Variants in UGT1A6 observed in about 807,000 individuals in gnomAD.
UGT1A6 encodes UDP glucuronosyltransferase family 1 member A6, also known as UDP-glucuronosyltransferase 1A6.
A neutral mutation model predicts 44.4 loss-of-function variants in UGT1A6; 32 were observed. That is an observed-to-expected ratio of 0.72 (90% CI 0.54 to 0.97). The LOEUF (loss-of-function observed/expected upper bound fraction) is 0.97. UGT1A6 is among the 50% of genes least tolerant of loss of function. The pLI is 0.00. For missense variants in UGT1A6, 685 were observed against 661.9 expected (o/e 1.03, Z -0.38); for synonymous variants, 238 against 248.5 (o/e 0.96, Z 0.40).
At chr2:233,741,949 G>A (rs188089498) in intron 1 of UGT1A6, 3 of 151,926 alleles carry the variant, frequency 2.0e-5, no homozygotes, top group Admixed American at 2.0e-4. Context: ...CAACAGAAAG[G>A]TACTTTCTTG....
intron 1 of UGT1A6, chr2:233,717,916 T>A (rs1363488436): frequency 2.2e-6 from 1 of 454,812 alleles, no homozygotes. Flanking sequence ...AAGGCCTGGA[T>A]GAATGGATAC....
At chr2:233,694,590 T>G (rs2075228604) in intron 1 of UGT1A6, among the ~76,000 whole-genome samples, 1 of 152,230 alleles carries the variant, frequency 6.6e-6, no homozygotes, top group Non-Finnish European at 1.5e-5. Flanking sequence ...ATTTACAACT[T>G]TGAAGGGCTT....
intron 1 of UGT1A6, chr2:233,755,041 A>T (rs1695713138): frequency 2.3e-6 from 3 of 1,323,402 alleles, no homozygotes; most frequent in African/African-American, 1.5e-5. Flanking sequence ...CCGCCTGCGC[A>T]GCCGCCCTCC....
chr2:233,714,943 C>T (rs2076424694), intron 1 of UGT1A6, among the ~76,000 whole-genome samples: 1 of 152,186 alleles, frequency 6.6e-6, no homozygotes, highest in Non-Finnish European at 1.5e-5. Context: ...GTGGTGGGAT[C>T]TTGGCTCATT....
chr2:233,767,781 T>C (rs1559414457), intron 2 of UGT1A6, 68 bp from the exon 3 acceptor site: 3 of 1,613,388 alleles, frequency 1.9e-6, no homozygotes, highest in East Asian at 2.2e-5. Context: ...TTCTAGTTAG[T>C]ATAGCAGATT....
intron 1 of UGT1A6, chr2:233,713,516 C>A: frequency 1.2e-6 from 2 of 1,613,934 alleles, no homozygotes; most frequent in Non-Finnish European, 1.7e-6. Context: ...TCTTGAGGAA[C>A]ATTCCATGTG....
chr2:233,760,700 C>T, intron 1 of UGT1A6: 4 of 1,614,194 alleles, frequency 2.5e-6, no homozygotes, highest in Non-Finnish European at 3.4e-6. Context: ...GAGCTCATGG[C>T]CTCCCTGGCA....
At chr2:233,698,293 T>A (rs1294389831) in intron 1 of UGT1A6, among the ~76,000 whole-genome samples, 2 of 152,252 alleles carry the variant, frequency 1.3e-5, no homozygotes, top group Non-Finnish European at 2.9e-5. Context: ...AAAAAAAATG[T>A]GTCTTTGGAC....
intron 1 of UGT1A6, among the ~76,000 whole-genome samples, chr2:233,733,673 A>G (rs1046219304): frequency 2.0e-5 from 3 of 152,206 alleles, no homozygotes; most frequent in African/African-American, 7.2e-5. Context: ...ATCGATGTGG[A>G]TAAACTTTTT....
intron 1 of UGT1A6, among the ~76,000 whole-genome samples, chr2:233,705,147 AAAGAGAG>A (rs1559353962): frequency 1.3e-5 from 2 of 151,972 alleles, no homozygotes; most frequent in Non-Finnish European, 2.9e-5. Context: ...AAAAAAAAAA[AAAGAGAG>A]AGAGAGAGAG....
chr2:233,731,428 C>G (rs2078158900), intron 1 of UGT1A6, among the ~76,000 whole-genome samples: 1 of 152,060 alleles, frequency 6.6e-6, no homozygotes, highest in South Asian at 2.1e-4. Context: ...AATGCCATCC[C>G]TCCCCCAGTC....
intron 1 of UGT1A6, among the ~76,000 whole-genome samples, chr2:233,766,473 C>CA (rs574900488): frequency 1.1e-4 from 17 of 152,240 alleles, no homozygotes; most frequent in African/African-American, 4.1e-4. Context: ...TTTTTATAGG[C>CA]ACATGATGGG....
intron 1 of UGT1A6, among the ~76,000 whole-genome samples, chr2:233,745,360 T>C (rs1413277244): frequency 2.0e-5 from 3 of 151,920 alleles, no homozygotes; most frequent in African/African-American, 4.9e-5. Flanking sequence ...GGAATTTTTT[T>C]GAGATCTGAG....
At chr2:233,709,645 G>C (rs919625647) in intron 1 of UGT1A6, among the ~76,000 whole-genome samples, 1 of 152,178 alleles carries the variant, frequency 6.6e-6, no homozygotes, top group Non-Finnish European at 1.5e-5. Context: ...TCTTGGAATA[G>C]GTAGGGCTTT....
At chr2:233,763,812 C>A (rs1698404052) in intron 1 of UGT1A6, among the ~76,000 whole-genome samples, 1 of 152,104 alleles carries the variant, frequency 6.6e-6, no homozygotes, top group Non-Finnish European at 1.5e-5. Context: ...TCAAGAATTC[C>A]AAGATGTTCC....
Position 233,693,021 on chromosome 2 carries a change from G to T in UGT1A6, c.17G>T (p.Arg6Leu). The change falls in exon 1 of 5, where the codon CGC becomes CTC. Residue 6 changes from arginine to leucine, a missense_variant. Coordinates refer to ENST00000305139, the MANE Select transcript of UGT1A6 (RefSeq NM_001072.4). The part of the protein sequence containing the change: MACLL[R>L]SFQRISAGVF... The stretch of plus-strand genomic sequence containing the variant: ...CTTTCCAGGATGGCCTGCCTCCTTC[G>T]CTCATTTCAGAGAATTTCTGCAGGG... 1 of 1,614,090 alleles carries T rather than the reference G, an allele frequency of 6.2e-7. No homozygotes were observed.
At chr2:233,767,733 C>A in intron 2 of UGT1A6, 116 bp from the exon 3 acceptor site, 1 of 1,566,288 alleles carries the variant, frequency 6.4e-7, no homozygotes, top group Non-Finnish European at 8.7e-7. Flanking sequence ...CTGATCCTCC[C>A]ACTCTGTTAA....
chr2:233,720,478 G>A (rs1452350529), intron 1 of UGT1A6, among the ~76,000 whole-genome samples: 1 of 152,164 alleles, frequency 6.6e-6, no homozygotes, highest in African/African-American at 2.4e-5. Flanking sequence ...GAATGGACAT[G>A]TGTCCAAGAA....
chr2:233,757,899 T>C (rs1696747026), intron 1 of UGT1A6, among the ~76,000 whole-genome samples: 1 of 152,126 alleles, frequency 6.6e-6, no homozygotes, highest in African/African-American at 2.4e-5. Context: ...ACACTTTCCA[T>C]GGACGTGTCA....
Sources: allele counts gnomAD v4.1 joint callset (sites outside exome capture counted in the v4.1 genomes callset), GRCh38; gene constraint gnomAD v4.1.1; transcripts MANE v1.5; gene names NCBI Gene and HGNC (gene_info 2026-07-23, HGNC 2026-07-21).